The following PAQR7 variants were observed in gnomAD, a reference collection of about 807,000 sequenced individuals.
PAQR7 encodes the protein membrane progestin receptor alpha.
In PAQR7, 14 loss-of-function variants were observed where a neutral mutation model predicts 24.6. That is an observed-to-expected ratio of 0.57 (90% CI 0.38 to 0.89). The LOEUF (loss-of-function observed/expected upper bound fraction) is 0.89, where lower values mean the gene tolerates loss of function less well. PAQR7 is among the 40% of genes least tolerant of loss of function. PAQR7 has a pLI of 0.00. For missense variants in PAQR7, 351 were observed against 444.0 expected (o/e 0.79, Z 1.88); for synonymous variants, 189 against 198.8 (o/e 0.95, Z 0.42).
chr1:25,871,081 C>T (rs2048602148), intron 1 of PAQR7: 1 of 152,148 alleles, frequency 6.6e-6, no homozygotes, highest in African/African-American at 2.4e-5. Flanking sequence ...ATAGCTAGTT[C>T]CATTAGATTT....
In PAQR7 at chr1:25,862,903, G is replaced by A; in HGVS notation, c.937C>T (p.His313Tyr). 6.2e-7 allele frequency: 1 copy of A among 1,614,146 alleles called. No homozygotes were observed. The highest frequency in any genetic ancestry group is 2.2e-5 in the East Asian group (1 of 44,886). ...AGCAGGAAGAGGCCAGAAAAGTTGT[G>A]AGGCCAGTGCGTGTGCAGAGGCTCA... Reference protein sequence around the residue: ...IYEPLHTHWPHNFSGLFLLTV... With the variant: ...IYEPLHTHWPYNFSGLFLLTV... Residue 313 changes from histidine (H) to tyrosine (Y), a missense_variant, in exon 3 of 3, where the codon CAC (histidine) becomes TAC (tyrosine). Physicochemically the swap from His to Tyr is moderately conservative, Grantham distance 83. Coordinates refer to ENST00000675840, the MANE Select transcript of PAQR7 (RefSeq NM_178422.6).
chr1:25,862,697 G>A lies in PAQR7; in HGVS notation c.*102C>T, dbSNP rs2048520911. 8.0e-7 allele frequency: 1 copy of A among 1,249,294 alleles called. No individual in the cohort carries two copies. Among genetic ancestry groups the A allele is most frequent in the Non-Finnish European group, 1.1e-6 (1 of 894,364 alleles). 77.4% of individuals were successfully genotyped at this position (1,249,294 alleles called of 1,614,324 possible). ...AGTCGTGCACAGAGAGTCACTGTGG[G>A]CCAGACACAAACAACTTTACCAGGC... On this transcript the variant is annotated 3_prime_UTR_variant, in exon 3 of 3. Coordinates refer to ENST00000675840, the MANE Select transcript of PAQR7 (RefSeq NM_178422.6).
At position 25,862,832 on chromosome 1, in the gene PAQR7, C is replaced by A; in HGVS notation, c.1008G>T (p.Leu336=). 1.2e-6 allele frequency: 2 copies of A among 1,614,074 alleles called. No homozygotes were observed. The highest frequency in any genetic ancestry group is 1.7e-6 in the Non-Finnish European group (2 of 1,179,990). ...SILTAFLLSQ[L]VQRKLDQKTK Reference sequence around the variant, plus strand: ...TCTTCTGATCAAGTTTGCGCTGTACCAGCTGGCTCAGGAGGAATGCAGTGA... The same window carrying A: ...TCTTCTGATCAAGTTTGCGCTGTACAAGCTGGCTCAGGAGGAATGCAGTGA... The change falls in exon 3 of 3, where the codon CTG becomes CTT. Residue 336 remains leucine (L), a synonymous_variant. Transcript: ENST00000675840.
rs550367540 is a variant in PAQR7, at chr1:25,868,898, G to T, written c.-23+1711C>A. Reference sequence around the variant, plus strand: ...AATCCCAGCACTTTGGGAGGCCGAGGTGGGTGGATCACGAGGTCAAGAGAT... The same window carrying T: ...AATCCCAGCACTTTGGGAGGCCGAGTTGGGTGGATCACGAGGTCAAGAGAT... On this transcript the variant is annotated intron_variant, in intron 2 of 2. Transcript: ENST00000675840. Among the ~76,000 whole-genome samples the T allele has an allele frequency of 1.5e-4, 23 of 152,160 alleles. No homozygotes were observed. The East Asian group carries it at 4.5e-3, about 30-fold the overall frequency.
chr1:25,864,457 C>G (rs1429356776), intron 2 of PAQR7, among the ~76,000 whole-genome samples: 2 of 152,174 alleles, frequency 1.3e-5, no homozygotes, highest in Non-Finnish European at 2.9e-5. Context: ...CCCCACCAAC[C>G]CCTGGACTGC....
intron 1 of PAQR7, among the ~76,000 whole-genome samples, chr1:25,871,774 C>T: frequency 6.6e-6 from 1 of 152,240 alleles, no homozygotes; most frequent in East Asian, 1.9e-4. Flanking sequence ...ACAGATTTCA[C>T]TCAGTGCTTA....
intron 1 of PAQR7, among the ~76,000 whole-genome samples, chr1:25,874,688 C>T (rs1007026430): frequency 1.3e-5 from 2 of 152,182 alleles, no homozygotes; most frequent in Non-Finnish European, 2.9e-5. Flanking sequence ...GTTCAGACTC[C>T]GAGGCCTTGG....
chr1:25,864,536 C>A lies in PAQR7; in HGVS notation c.-22-675G>T, dbSNP rs548489095. Among the ~76,000 whole-genome samples the A allele has an allele frequency of 2.0e-5, 3 of 152,322 alleles. No individual in the cohort carries two copies. The East Asian group carries it at 5.8e-4, about 29-fold the overall frequency. On this transcript the variant is annotated intron_variant, in intron 2 of 2. Coordinates refer to ENST00000675840, the MANE Select transcript of PAQR7 (RefSeq NM_178422.6). The stretch of plus-strand genomic sequence containing the variant: ...TGAGACATTTTCCTCATCTTGCCTA[C>A]TAGGCAAACCCCTATTCATTCCTCA...
At chr1:25,870,080 G>A (rs983548872) in intron 2 of PAQR7, among the ~76,000 whole-genome samples, 4 of 152,138 alleles carry the variant, frequency 2.6e-5, no homozygotes, top group African/African-American at 7.2e-5. Context: ...CTCTGATCCA[G>A]GGGAAAGGAA....
chr1:25,869,113 T>C (rs2048582343), intron 2 of PAQR7, among the ~76,000 whole-genome samples: 1 of 151,390 alleles, frequency 6.6e-6, no homozygotes, highest in Admixed American at 6.6e-5. Flanking sequence ...GGCAACAGAG[T>C]GAGACTCCAT....
intron 1 of PAQR7, chr1:25,871,055 C>T (rs996847417): frequency 6.6e-6 from 1 of 152,132 alleles, no homozygotes; most frequent in African/African-American, 2.4e-5. Flanking sequence ...AAAAAACCAT[C>T]CTCTTTTAGC....
intron 2 of PAQR7, among the ~76,000 whole-genome samples, chr1:25,869,837 A>G (rs1382584212): frequency 6.6e-6 from 1 of 152,044 alleles, no homozygotes; most frequent in East Asian, 1.9e-4. Context: ...CTTGCACCTG[A>G]TCTTCTCCAG....
In PAQR7 at chr1:25,875,270, G is replaced by A. The variant is rs1436358433; in HGVS notation, c.-109+218C>T. 1.3e-5 allele frequency among the ~76,000 whole-genome samples: 2 copies of A among 152,114 alleles called. No individual in the cohort carries two copies. Among genetic ancestry groups the A allele is most frequent in the African/African-American group, 4.8e-5 (2 of 41,410 alleles). On this transcript the variant is annotated intron_variant, in intron 1 of 2. Coordinates refer to ENST00000675840, the MANE Select transcript of PAQR7 (RefSeq NM_178422.6). The surrounding 1 kb of genome is among the most constrained non-coding windows in gnomAD (Gnocchi z 5.4). ...CGAGCTCCTCCTTCCTGCGCCCTCC[G>A]CTGGCTGCTTCCCCGGGCGGGCGTC...
In PAQR7 at chr1:25,862,291, G is replaced by A. The variant is rs1572274114; in HGVS notation, c.*508C>T. The A allele has an allele frequency of 6.3e-6, 1 of 158,234 alleles. No individual in the cohort carries two copies. The highest frequency in any genetic ancestry group is 2.4e-5 in the African/African-American group (1 of 41,480). 9.8% of individuals were successfully genotyped at this position (158,234 alleles called of 1,614,324 possible). A position where few individuals can be genotyped will look rare whatever the true frequency, so the allele number is the denominator to read the frequency against. On this transcript the variant is annotated 3_prime_UTR_variant, in exon 3 of 3. Transcript: ENST00000675840. ...TCTGGCACAATCTACTACCTTTGGG[G>A]TCTCTCTGCAGCTCCAACACTTGTG...
chr1:25,864,174 A>T (rs920117621), intron 2 of PAQR7, among the ~76,000 whole-genome samples: 2 of 152,160 alleles, frequency 1.3e-5, no homozygotes, highest in South Asian at 4.1e-4. Flanking sequence ...GGCTCCACAC[A>T]GCAGCACCAG....
rs1418780798 is a variant in PAQR7 at position 25,862,274 on chromosome 1, A to T, written c.*525T>A. The T allele has an allele frequency of 1.9e-5, 3 of 155,468 alleles. No homozygotes were observed. The highest frequency in any genetic ancestry group is 1.3e-4 in the Admixed American group (2 of 15,696). 9.6% of individuals were successfully genotyped at this position (155,468 alleles called of 1,614,324 possible). A position where few individuals can be genotyped will look rare whatever the true frequency, so the allele number is the denominator to read the frequency against. On this transcript the variant is annotated 3_prime_UTR_variant, in exon 3 of 3. Transcript: ENST00000675840. The stretch of plus-strand genomic sequence containing the variant: ...GATGGGACCCATTTGTATCTGGCAC[A>T]ATCTACTACCTTTGGGGTCTCTCTG...
At chr1:25,874,630 T>C (rs1388909073) in intron 1 of PAQR7, among the ~76,000 whole-genome samples, 1 of 152,222 alleles carries the variant, frequency 6.6e-6, no homozygotes, top group Non-Finnish European at 1.5e-5. Flanking sequence ...AGACTTGGGG[T>C]CCTGGGCTGT....
rs959952748 is a variant in PAQR7, at chr1:25,875,493, C to T, written c.-114G>A. On this transcript the variant is annotated 5_prime_UTR_variant, in exon 1 of 3. Transcript: ENST00000675840. The surrounding 1 kb of genome is among the most constrained non-coding windows in gnomAD (Gnocchi z 5.4). Reference sequence around the variant, plus strand: ...CCGTCTTGGCAGCCCCGTACCTGAGCCGGAGCCGAGCTGGGAGGGCCGCGG... The same window carrying T: ...CCGTCTTGGCAGCCCCGTACCTGAGTCGGAGCCGAGCTGGGAGGGCCGCGG... Among the ~76,000 whole-genome samples the T allele has an allele frequency of 1.3e-5, 2 of 152,074 alleles. No homozygotes were observed. The highest frequency in any genetic ancestry group is 4.8e-5 in the African/African-American group (2 of 41,416).
At chr1:25,871,208 A>C (rs1218668459) in intron 1 of PAQR7, 2 of 152,166 alleles carry the variant, frequency 1.3e-5, no homozygotes, top group Non-Finnish European at 2.9e-5. Flanking sequence ...CTTAATCATT[A>C]AATTGTTCTT....
Sources: allele counts gnomAD v4.1 joint callset (sites outside exome capture counted in the v4.1 genomes callset), GRCh38; gene constraint gnomAD v4.1.1; non-coding constraint Gnocchi (gnomAD v3.1); transcripts MANE v1.5; gene names NCBI Gene and HGNC (gene_info 2026-07-23, HGNC 2026-07-21).